The following LDLRAD3 variants were observed in gnomAD, a reference collection of about 807,000 sequenced individuals.
LDLRAD3 encodes low density lipoprotein receptor class A domain containing 3.
LDLRAD3 carries 20 observed loss-of-function variants against 29.4 expected under a neutral mutation model. The observed-to-expected ratio is 0.68, with a 90% confidence interval of 0.48 to 0.99. The LOEUF is 0.99. LDLRAD3 is among the 50% of genes least tolerant of loss of function. LDLRAD3 has a pLI of 0.00. For missense variants in LDLRAD3, 420 were observed against 454.3 expected (o/e 0.92, Z 0.69); for synonymous variants, 157 against 192.7 (o/e 0.81, Z 1.53).
intron 4 of LDLRAD3, among the ~76,000 whole-genome samples, chr11:36,169,576 T>A (rs900594894): frequency 5.3e-5 from 8 of 152,226 alleles, no homozygotes; most frequent in Non-Finnish European, 1.2e-4. Context: ...CTTATTTCAC[T>A]TAACCTAATG....
chr11:36,170,899 T>TGAAGCGATTCTCCTGCGTC (rs1489492302), intron 4 of LDLRAD3, among the ~76,000 whole-genome samples: 1 of 152,030 alleles, frequency 6.6e-6, no homozygotes, highest in East Asian at 1.9e-4. Context: ...CCTCCTGAGT[T>TGAAGCGATTCTCCTGCGTC]GAAGCGATTC....
At chr11:36,046,883 A>G (rs1852457832) in intron 2 of LDLRAD3, among the ~76,000 whole-genome samples, 1 of 152,244 alleles carries the variant, frequency 6.6e-6, no homozygotes, top group Non-Finnish European at 1.5e-5. Flanking sequence ...GGTGATTCAA[A>G]TGAGAAAATA....
chr11:36,015,556 T>C (rs1852011764), intron 1 of LDLRAD3, among the ~76,000 whole-genome samples: 1 of 152,086 alleles, frequency 6.6e-6, no homozygotes, highest in Non-Finnish European at 1.5e-5. Flanking sequence ...GGGAGCTCTA[T>C]GAATTTCCAT....
At chr11:36,078,295 A>G (rs1037843278) in intron 2 of LDLRAD3, among the ~76,000 whole-genome samples, 1 of 152,168 alleles carries the variant, frequency 6.6e-6, no homozygotes, top group Non-Finnish European at 1.5e-5. Context: ...GCCTAGGAGC[A>G]TGTCTGCCTC....
chr11:36,223,800 C>T (rs1590368682), intron 4 of LDLRAD3, among the ~76,000 whole-genome samples: 1 of 152,070 alleles, frequency 6.6e-6, no homozygotes, highest in East Asian at 1.9e-4. Flanking sequence ...CTGTTCATAT[C>T]TTCTCCCCAG....
chr11:36,140,992 T>TCCTCTC (rs1854073899), intron 4 of LDLRAD3, among the ~76,000 whole-genome samples: 1 of 109,996 alleles, frequency 9.1e-6, no homozygotes, highest in Non-Finnish European at 1.9e-5. Context: ...CTGTTGAGCT[T>TCCTCTC]TCTCTCTCTC....
chr11:36,080,558 A>G (rs1027079166), intron 2 of LDLRAD3, among the ~76,000 whole-genome samples: 1 of 152,182 alleles, frequency 6.6e-6, no homozygotes, highest in Non-Finnish European at 1.5e-5. Context: ...GACCTTGGGC[A>G]AGTCACTTCA....
chr11:36,015,663 C>A (rs898974985), intron 1 of LDLRAD3, among the ~76,000 whole-genome samples: 1 of 151,466 alleles, frequency 6.6e-6, no homozygotes, highest in Non-Finnish European at 1.5e-5. Context: ...CCTCCCCCTG[C>A]CCCCCGCCAC....
intron 4 of LDLRAD3, among the ~76,000 whole-genome samples, chr11:36,163,834 T>C (rs1201265575): frequency 1.3e-5 from 2 of 152,324 alleles, no homozygotes; most frequent in East Asian, 3.9e-4. Flanking sequence ...AATGGAAATA[T>C]ACATATATTG....
In LDLRAD3 at chr11:36,224,598, C is replaced by T. The variant is rs1855473880; in HGVS notation, c.455-2487C>T. Among the ~76,000 whole-genome samples the T allele has an allele frequency of 2.6e-5, 4 of 152,252 alleles. No homozygotes were observed. In the South Asian group the frequency reaches 8.3e-4, roughly 32 times the overall value. Reference sequence around the variant, plus strand: ...CATGATTCTGTTTTTCTGCTGGGCCCCTATTTGCTTCTTTCTGTGCAATGA... The same window carrying T: ...CATGATTCTGTTTTTCTGCTGGGCCTCTATTTGCTTCTTTCTGTGCAATGA... On this transcript the variant is annotated intron_variant, in intron 4 of 5. Coordinates refer to ENST00000315571, the MANE Select transcript of LDLRAD3 (RefSeq NM_174902.4).
Position 36,229,198 on chromosome 11 carries a change from CT to C in LDLRAD3, c.840del (p.Asp281ThrfsTer5). The C allele has an allele frequency of 1.2e-6, 2 of 1,614,070 alleles. No homozygotes were observed. The highest frequency in any genetic ancestry group is 1.7e-6 in the Non-Finnish European group (2 of 1,180,016). On this transcript the variant is annotated frameshift_variant, in exon 6 of 6. Coordinates refer to ENST00000315571, the MANE Select transcript of LDLRAD3 (RefSeq NM_174902.4). LOFTEE classifies it high-confidence loss of function. ...WYDLPPPPYS[S>X]DTESLNQADL... Reference sequence around the variant, plus strand: ...GACCTTCCTCCACCGCCCTACTCTTCTGACACGGAATCTCTGAACCAAGCCG... The same window carrying C: ...GACCTTCCTCCACCGCCCTACTCTTCGACACGGAATCTCTGAACCAAGCCG...
chr11:36,100,426 T>C (rs1216077416), intron 4 of LDLRAD3, among the ~76,000 whole-genome samples: 3 of 152,184 alleles, frequency 2.0e-5, no homozygotes, highest in Non-Finnish European at 2.9e-5. Flanking sequence ...ACATTTTCTA[T>C]GGCGATTGTT....
intron 2 of LDLRAD3, among the ~76,000 whole-genome samples, chr11:36,044,088 AG>A (rs1397481260): frequency 6.6e-6 from 1 of 152,208 alleles, no homozygotes; most frequent in African/African-American, 2.4e-5. Context: ...GCTATGGTTA[AG>A]AACAGGGGCT....
chr11:36,078,701 T>C (rs4756269), intron 2 of LDLRAD3, among the ~76,000 whole-genome samples: 2,718 of 152,264 alleles, frequency 0.018, 32 homozygotes, highest in Non-Finnish European at 0.026. Context: ...ATGCTTCTGC[T>C]GACACTGTAG....
In LDLRAD3 at chr11:36,180,603, G is replaced by T. The variant is rs115892044; in HGVS notation, c.455-46482G>T. The stretch of plus-strand genomic sequence containing the variant: ...CTTTTGCCTCTACTCTGGGTGACAC[G>T]GAGCGCATGGACAGTTTTGAGTGGA... On this transcript the variant is annotated intron_variant, in intron 4 of 5. Transcript: ENST00000315571. 7.5e-3 allele frequency among the ~76,000 whole-genome samples: 1,143 copies of T among 152,242 alleles called. 16 individuals carry two copies. The highest frequency in any genetic ancestry group is 0.026 in the African/African-American group (1,094 of 41,552).
At chr11:36,106,141 G>T (rs1322277482) in intron 4 of LDLRAD3, among the ~76,000 whole-genome samples, 1 of 152,188 alleles carries the variant, frequency 6.6e-6, no homozygotes, top group Non-Finnish European at 1.5e-5. Flanking sequence ...GCCTTGGTAG[G>T]GAGAACTCCT....
At chr11:36,201,392 T>C (rs967152459) in intron 4 of LDLRAD3, among the ~76,000 whole-genome samples, 4 of 152,254 alleles carry the variant, frequency 2.6e-5, no homozygotes, top group Non-Finnish European at 5.9e-5. Context: ...TTAGTGCCCA[T>C]TGTAAGTCTG....
intron 4 of LDLRAD3, among the ~76,000 whole-genome samples, chr11:36,137,219 G>T (rs1854017395): frequency 6.6e-6 from 1 of 152,188 alleles, no homozygotes; most frequent in African/African-American, 2.4e-5. Context: ...TTTGTGATGG[G>T]ACCATTCTGT....
At chr11:35,967,500 C>T in intron 1 of LDLRAD3, 2 of 359,168 alleles carry the variant, frequency 5.6e-6, no homozygotes, top group East Asian at 1.5e-4. Context: ...TGCAAAATCT[C>T]ATTTGCTAGG....
Sources: allele counts gnomAD v4.1 joint callset (sites outside exome capture counted in the v4.1 genomes callset), GRCh38; gene constraint gnomAD v4.1.1; transcripts MANE v1.5; gene names NCBI Gene and HGNC (gene_info 2026-07-23, HGNC 2026-07-21).